Variants in TMEM245 observed in about 807,000 individuals in gnomAD.
TMEM245 encodes transmembrane protein 245, also known as protein CG-2.
In TMEM245, 69 loss-of-function variants were observed where a neutral mutation model predicts 101.2. The ratio of observed to expected loss-of-function variants is 0.68; its 90% confidence interval spans 0.56 to 0.83. The LOEUF is 0.83. Among genes scored for constraint, TMEM245 ranks in the 40% least tolerant of loss-of-function variants. The pLI, the probability that TMEM245 is intolerant of heterozygous loss-of-function variation, is 0.00. For synonymous variants in TMEM245, 537 were observed against 449.8 expected (o/e 1.19, Z -2.45); for missense variants, 1,075 against 1,092.8 (o/e 0.98, Z 0.23).
rs1419306357 is a variant in TMEM245 at position 109,020,417 on chromosome 9, C to CA, written c.*42dup. On this transcript the variant is annotated 3_prime_UTR_variant, in exon 18 of 18. Transcript: ENST00000374586. The stretch of plus-strand genomic sequence containing the variant: ...GCCACAGCTGAGCTGAACTCGCTGT[C>CA]AAATTTGAACTTCCTAGAAAAATCA... The CA allele has an allele frequency of 6.2e-7, 1 of 1,602,498 alleles. No individual in the cohort carries two copies. The highest frequency in any genetic ancestry group is 2.2e-5 in the East Asian group (1 of 44,794).
chr9:109,104,825 T>A (rs757530043), intron 3 of TMEM245, among the ~76,000 whole-genome samples: 1 of 152,194 alleles, frequency 6.6e-6, no homozygotes, highest in African/African-American at 2.4e-5. Flanking sequence ...AAGAATGAGG[T>A]TGGATCCTTA....
intron 14 of TMEM245, among the ~76,000 whole-genome samples, chr9:109,041,453 ATTTTTTTTTTT>A (rs1193341550): frequency 1.2e-5 from 1 of 83,208 alleles, no homozygotes. Flanking sequence ...CATCCTACAA[ATTTTTTTTTTT>A]TTTTTTTTTT....
In TMEM245 at chr9:109,033,308, G is replaced by A. The variant is rs368980340; in HGVS notation, c.2593C>T (p.Arg865Trp). ...NQTPWPAQPQRTFRDISEDLK... is the reference protein window; with the variant it reads ...NQTPWPAQPQWTFRDISEDLK... ...TATGATTATTCTGCTTTAACTCACC[G>A]CTGAGGCTGAGCAGGCCATGGGGTC... Residue 865 changes from arginine (R) to tryptophan (W), a missense_variant and splice_region_variant, in exon 17 of 18, where the codon CGG (arginine) becomes TGG (tryptophan). This residue lies in a region of TMEM245 where 267 missense variants were observed against 351.3 expected (regional missense o/e 0.76). Coordinates refer to ENST00000374586, the MANE Select transcript of TMEM245 (RefSeq NM_032012.4). 20 of 1,603,862 alleles carry A rather than the reference G, an allele frequency of 1.2e-5. No homozygotes were observed. The highest frequency in any genetic ancestry group is 6.7e-5 in the African/African-American group (5 of 74,594).
chr9:109,082,045 T>G (rs576100432), intron 7 of TMEM245, among the ~76,000 whole-genome samples: 15 of 152,178 alleles, frequency 9.9e-5, no homozygotes, highest in Non-Finnish European at 1.9e-4. Context: ...CATTGCTAAA[T>G]AAGTTATTCT....
chr9:109,094,604 A>G (rs1830091587), intron 3 of TMEM245, among the ~76,000 whole-genome samples: 1 of 152,224 alleles, frequency 6.6e-6, no homozygotes, highest in Non-Finnish European at 1.5e-5. Flanking sequence ...AGTGTCACTG[A>G]GCATTTCTCC....
At chr9:109,080,566 C>A (rs1273155350) in intron 8 of TMEM245, among the ~76,000 whole-genome samples, 1 of 151,762 alleles carries the variant, frequency 6.6e-6, no homozygotes, top group Non-Finnish European at 1.5e-5. Flanking sequence ...AAAACAAGCG[C>A]CACTTGTTCT....
chr9:109,020,568 T>A, intron 17 of TMEM245, 63 bp from the exon 18 acceptor site: 3 of 1,451,478 alleles, frequency 2.1e-6, no homozygotes, highest in Admixed American at 1.7e-5. Flanking sequence ...ATTTTTACAA[T>A]CTTTTGGAGC....
At chr9:109,088,926 T>C (rs1395646634) in intron 5 of TMEM245, among the ~76,000 whole-genome samples, 1 of 150,914 alleles carries the variant, frequency 6.6e-6, no homozygotes, top group Non-Finnish European at 1.5e-5. Flanking sequence ...ACTTGCTTAA[T>C]TAAAGCTGTA....
At chr9:109,064,668 T>C (rs1444021061) in intron 9 of TMEM245, 101 bp from the exon 10 acceptor site, 3 of 932,838 alleles carry the variant, frequency 3.2e-6, no homozygotes, top group African/African-American at 1.6e-5. Flanking sequence ...AGACAGACTG[T>C]TGATCATTCA....
chr9:109,083,814 A>AG (rs1465246267), intron 7 of TMEM245, among the ~76,000 whole-genome samples: 1 of 148,980 alleles, frequency 6.7e-6, no homozygotes, highest in East Asian at 2.0e-4. Context: ...CTAACACTTT[A>AG]GGAGGCTGAG....
intron 15 of TMEM245, among the ~76,000 whole-genome samples, chr9:109,037,505 C>G (rs905311001): frequency 6.6e-6 from 1 of 152,126 alleles, no homozygotes; most frequent in Non-Finnish European, 1.5e-5. Context: ...GTGGATTTCA[C>G]CCCTAGGTGC....
intron 1 of TMEM245, 22 bp from the exon 2 acceptor site, chr9:109,108,592 G>C: frequency 3.9e-6 from 6 of 1,532,460 alleles, no homozygotes; most frequent in Non-Finnish European, 5.3e-6. Context: ...GAAAGACACA[G>C]CTGTAAAATC....
intron 11 of TMEM245, among the ~76,000 whole-genome samples, chr9:109,060,071 T>C (rs1828963976): frequency 6.6e-6 from 1 of 152,214 alleles, no homozygotes; most frequent in Non-Finnish European, 1.5e-5. Context: ...TTACCTTATG[T>C]GGCTTGCATT....
intron 8 of TMEM245, 38 bp from the exon 9 acceptor site, chr9:109,073,476 A>C: frequency 6.8e-7 from 1 of 1,467,758 alleles, no homozygotes; most frequent in Non-Finnish European, 9.4e-7. Flanking sequence ...ATCTCAGTAA[A>C]AAATAAACCC....
chr9:109,106,533 T>C lies in TMEM245; in HGVS notation c.774A>G (p.Glu258=). 6.2e-7 allele frequency: 1 copy of C among 1,611,396 alleles called. No homozygotes were observed. Among genetic ancestry groups the C allele is most frequent in the Non-Finnish European group, 8.5e-7 (1 of 1,178,390 alleles). ...VFLMSVGTLY[E]KQNGKESSGA... ...CAGAAGACTCTTTTCCATTCTGTTT[T>C]TCATAGAGGGTACCCACAGACATCA... Residue 258 remains glutamate, a synonymous_variant, in exon 3 of 18, where the codon GAA becomes GAG. Coordinates refer to ENST00000374586, the MANE Select transcript of TMEM245 (RefSeq NM_032012.4).
At chr9:109,046,209 C>A in intron 14 of TMEM245, 1 of 534,134 alleles carries the variant, frequency 1.9e-6, no homozygotes, top group Non-Finnish European at 3.8e-6. Flanking sequence ...AGAGCCATAC[C>A]CGTGTGCATG....
rs933800309 is a variant in TMEM245, at chr9:109,019,498, G to A, written c.*962C>T. ...TTGTGATATCTGAGATATTTTTAAAGTTGCAATTCAATTCAACAAGCATTC... is the reference window on the plus strand; with the variant it reads ...TTGTGATATCTGAGATATTTTTAAAATTGCAATTCAATTCAACAAGCATTC... On this transcript the variant is annotated 3_prime_UTR_variant, in exon 18 of 18. Coordinates refer to ENST00000374586, the MANE Select transcript of TMEM245 (RefSeq NM_032012.4). The A allele has an allele frequency of 1.3e-5, 2 of 152,232 alleles. No homozygotes were observed. The highest frequency in any genetic ancestry group is 4.8e-5 in the African/African-American group (2 of 41,466). 9.4% of individuals were successfully genotyped at this position (152,232 alleles called of 1,614,324 possible).
intron 5 of TMEM245, 47 bp downstream of exon 5, chr9:109,090,875 A>C: frequency 6.5e-7 from 1 of 1,545,722 alleles, no homozygotes. Flanking sequence ...AAAGAAAAAA[A>C]TCAATCTTCA....
chr9:109,118,597 A>C (rs1279905803), intron 1 of TMEM245, among the ~76,000 whole-genome samples: 1 of 152,230 alleles, frequency 6.6e-6, no homozygotes, highest in Non-Finnish European at 1.5e-5. Flanking sequence ...CAAGCATCAC[A>C]AATCTACGTC....
Sources: allele counts gnomAD v4.1 joint callset (sites outside exome capture counted in the v4.1 genomes callset), GRCh38; gene constraint gnomAD v4.1.1; regional missense constraint gnomAD v4.1.1; transcripts MANE v1.5; gene names NCBI Gene and HGNC (gene_info 2026-07-23, HGNC 2026-07-21).